The following CEP63 variants were observed in gnomAD, a reference collection of about 807,000 sequenced individuals.
The protein encoded by CEP63 is centrosomal protein 63, also known as centrosomal protein of 63 kDa.
CEP63 carries 84 observed loss-of-function variants against 89.1 expected under a neutral mutation model. The observed-to-expected ratio is 0.94, with a 90% CI of 0.79 to 1.13. CEP63 has a LOEUF of 1.13. Among genes scored for constraint, CEP63 ranks in the 50% most tolerant of loss-of-function variants. The pLI is 0.00. For synonymous variants in CEP63, 267 were observed against 272.5 expected, an observed-to-expected ratio of 0.98 and a Z score of 0.20; for missense variants, 838 against 813.3, an observed-to-expected ratio of 1.03 and a Z score of -0.37.
chr3:134,712,409 C>T, the CEP63 span, among the ~76,000 whole-genome samples: 7 of 151,972 alleles, frequency 4.6e-5, no homozygotes, highest in Non-Finnish European at 8.8e-5. Flanking sequence ...AACAATTCTA[C>T]CTCTTGGGAA....
chr3:134,574,105 C>T (rs1389242763), intron 11 of CEP63, among the ~76,000 whole-genome samples: 1 of 152,204 alleles, frequency 6.6e-6, no homozygotes. Flanking sequence ...CAGCCATTTC[C>T]TCTGCAGAGT....
the CEP63 span, among the ~76,000 whole-genome samples, chr3:134,596,242 A>G: frequency 1.3e-5 from 2 of 152,210 alleles, no homozygotes; most frequent in East Asian, 1.9e-4. Flanking sequence ...TTCACAGCCA[A>G]AGAATGCCTG....
chr3:134,754,057 T>G, the CEP63 span, among the ~76,000 whole-genome samples: 1 of 152,324 alleles, frequency 6.6e-6, no homozygotes, highest in South Asian at 2.1e-4. Context: ...CATTGTTCAG[T>G]CTTTGCCAAA....
At chr3:134,689,541 T>C in the CEP63 span, among the ~76,000 whole-genome samples, 1 of 152,102 alleles carries the variant, frequency 6.6e-6, no homozygotes, top group Non-Finnish European at 1.5e-5. Flanking sequence ...AACCTCTGCC[T>C]CCTGAGTTCA....
chr3:134,658,894 T>C, the CEP63 span, among the ~76,000 whole-genome samples: 1 of 152,250 alleles, frequency 6.6e-6, no homozygotes, highest in Admixed American at 6.5e-5. Flanking sequence ...TTTTCATTCT[T>C]AACCTTTCTG....
chr3:134,710,378 T>A, the CEP63 span, among the ~76,000 whole-genome samples: 2 of 152,146 alleles, frequency 1.3e-5, no homozygotes, highest in African/African-American at 4.8e-5. Context: ...CTGTGTGCTG[T>A]TTGCAATGAG....
the CEP63 span, chr3:134,607,858 G>A: frequency 2.0e-6 from 2 of 988,290 alleles, no homozygotes; most frequent in African/African-American, 1.7e-5. Context: ...AGAAGGGAGG[G>A]GTACTGAGCC....
At chr3:134,628,407 C>T in the CEP63 span, among the ~76,000 whole-genome samples, 1 of 152,312 alleles carries the variant, frequency 6.6e-6, no homozygotes, top group South Asian at 2.1e-4. Flanking sequence ...CGATCTGGAA[C>T]CAGGTCAGGA....
intron 10 of CEP63, among the ~76,000 whole-genome samples, chr3:134,582,593 G>A (rs1958387776): frequency 2.0e-5 from 3 of 152,192 alleles, no homozygotes; most frequent in Admixed American, 2.0e-4. Flanking sequence ...TGGACATTGG[G>A]TTGGTTCCAA....
the CEP63 span, among the ~76,000 whole-genome samples, chr3:134,703,355 G>A: frequency 0.01 from 1,505 of 149,210 alleles, 16 homozygotes; most frequent in Non-Finnish European, 0.015. Context: ...ATTCACAATA[G>A]CAAAGACATG....
At chr3:134,519,616 A>G (rs531780515) in intron 3 of CEP63, among the ~76,000 whole-genome samples, 16 of 152,372 alleles carry the variant, frequency 1.1e-4, no homozygotes, top group African/African-American at 3.6e-4. Context: ...CATAATCTTT[A>G]TTTCAAAACT....
the CEP63 span, among the ~76,000 whole-genome samples, chr3:134,684,453 C>T: frequency 2.0e-5 from 3 of 152,230 alleles, no homozygotes; most frequent in African/African-American, 7.2e-5. Context: ...TTTTGACTTT[C>T]GCCTAGCTAT....
chr3:134,705,458 A>G, the CEP63 span, among the ~76,000 whole-genome samples: 3 of 152,316 alleles, frequency 2.0e-5, no homozygotes, highest in Admixed American at 1.3e-4. Flanking sequence ...ACCTGCCCCC[A>G]TGACCCAAAC....
the CEP63 span, among the ~76,000 whole-genome samples, chr3:134,764,416 T>A: frequency 5.3e-5 from 8 of 152,300 alleles, no homozygotes; most frequent in South Asian, 6.2e-4. Context: ...TTAATTTTTT[T>A]AAAAATAATT....
downstream of CEP63, among the ~76,000 whole-genome samples, chr3:134,577,262 A>C (rs1205430467): frequency 6.7e-6 from 1 of 148,814 alleles, no homozygotes; most frequent in African/African-American, 2.5e-5. Context: ...GAAAAAAAAA[A>C]TAGGAGAAAA....
chr3:134,727,362 A>T, the CEP63 span, among the ~76,000 whole-genome samples: 1 of 152,196 alleles, frequency 6.6e-6, no homozygotes, highest in Non-Finnish European at 1.5e-5. Flanking sequence ...AGTTAGCAAA[A>T]ACACCAGCCT....
the CEP63 span, chr3:134,607,183 G>A: frequency 1.0e-6 from 1 of 985,462 alleles, no homozygotes; most frequent in East Asian, 1.1e-4. Flanking sequence ...CCCTGCATCT[G>A]TTGTAAGCAC....
At chr3:134,633,912 G>A in the CEP63 span, among the ~76,000 whole-genome samples, 7,021 of 152,164 alleles carry the variant, frequency 0.046, 566 homozygotes, top group African/African-American at 0.16. Flanking sequence ...GCATGGTCAC[G>A]GTATACAAGG....
At chr3:134,678,876 C>G in the CEP63 span, among the ~76,000 whole-genome samples, 2 of 152,338 alleles carry the variant, frequency 1.3e-5, no homozygotes, top group East Asian at 3.9e-4. Flanking sequence ...CAAGACCCAG[C>G]TGAGGCCCTG....
Sources: gnomAD v4.1 joint callset for allele counts (sites outside exome capture counted in the v4.1 genomes callset) on GRCh38, gnomAD v4.1.1 for gene constraint, MANE v1.5 for transcripts, NCBI Gene and HGNC (gene_info 2026-07-23, HGNC 2026-07-21) for gene names.